The following PCSK6 variants were observed in gnomAD, a reference collection of about 807,000 sequenced individuals.
PCSK6 encodes paired basic amino acid cleaving enzyme 4.
A neutral mutation model predicts 123.3 loss-of-function variants in PCSK6; 85 were observed. That is an observed-to-expected ratio of 0.69 (90% CI 0.58 to 0.83). PCSK6 has a LOEUF of 0.83. Among genes scored for constraint, PCSK6 ranks in the 40% least tolerant of loss-of-function variants. The pLI is 0.00. For missense variants in PCSK6, 1,191 were observed against 1,282.3 expected (o/e 0.93, Z 1.09); for synonymous variants, 508 against 516.0 (o/e 0.98, Z 0.21).
intron 11 of PCSK6, among the ~76,000 whole-genome samples, chr15:101,379,813 G>A (rs949839099): frequency 1.3e-5 from 2 of 152,200 alleles, no homozygotes; most frequent in African/African-American, 4.8e-5. Flanking sequence ...GGATACTCGC[G>A]GCTCAGGTGC....
intron 9 of PCSK6, among the ~76,000 whole-genome samples, chr15:101,387,804 G>A (rs2042110755): frequency 3.2e-5 from 1 of 31,114 alleles, no homozygotes; most frequent in South Asian, 1.0e-3. Flanking sequence ...GGCGGCCTGG[G>A]GCCAACCTGC....
chr15:101,399,952 G>A (rs922071569), intron 6 of PCSK6, among the ~76,000 whole-genome samples: 1 of 152,202 alleles, frequency 6.6e-6, no homozygotes, highest in Non-Finnish European at 1.5e-5. Context: ...TCTTCTGATT[G>A]TAAGAATAGT....
intron 20 of PCSK6, 44 bp downstream of exon 20, chr15:101,313,332 T>A: frequency 1.2e-6 from 2 of 1,612,464 alleles, no homozygotes; most frequent in South Asian, 2.2e-5. Context: ...GGCACTCCTT[T>A]GCTGGACACA....
At chr15:101,380,189 GTGCTGTCTAGACTCCGTGTGCT>G (rs1444813962) in intron 11 of PCSK6, among the ~76,000 whole-genome samples, 2 of 152,192 alleles carry the variant, frequency 1.3e-5, no homozygotes. Context: ...CCCTCAACCT[GTGCTGTCTAGACTCCGTGTGCT>G]TTCACTTAAA....
chr15:101,458,216 C>G (rs1389134737), intron 1 of PCSK6, among the ~76,000 whole-genome samples: 1 of 152,200 alleles, frequency 6.6e-6, no homozygotes, highest in Non-Finnish European at 1.5e-5. Context: ...CAAGTTCACC[C>G]AACTATTTCT....
intron 2 of PCSK6, among the ~76,000 whole-genome samples, chr15:101,440,613 T>C (rs1471904023): frequency 6.6e-6 from 1 of 152,220 alleles, no homozygotes; most frequent in Non-Finnish European, 1.5e-5. Context: ...TCATTTCCAG[T>C]TTGGTCATTT....
At position 101,349,764 on chromosome 15, in the gene PCSK6, C is replaced by A. The variant is rs2040843142; in HGVS notation, c.1858+16432G>T. Among the ~76,000 whole-genome samples, 18 of 152,192 alleles carry A rather than the reference C, an allele frequency of 1.2e-4. No homozygotes were observed. The South Asian group carries it at 3.7e-3, about 31-fold the overall frequency. On this transcript the variant is annotated intron_variant, in intron 13 of 21. Coordinates refer to ENST00000611716, the MANE Select transcript of PCSK6 (RefSeq NM_002570.5). ...TGGGACCCAGGCTCCTCTGCCCCTG[C>A]ATTCCCGTTCTTTAAATCACATCAC...
At chr15:101,371,132 A>G (rs1300915476) in intron 11 of PCSK6, among the ~76,000 whole-genome samples, 4 of 152,158 alleles carry the variant, frequency 2.6e-5, no homozygotes, top group African/African-American at 7.2e-5. Flanking sequence ...TCTTGAACCC[A>G]GGAGGTGGAG....
chr15:101,380,199 G>C lies in PCSK6; in HGVS notation c.1532+1893C>G, dbSNP rs184760038. On this transcript the variant is annotated intron_variant, in intron 11 of 21. Coordinates refer to ENST00000611716, the MANE Select transcript of PCSK6 (RefSeq NM_002570.5). ...GGGCTCCCTCAACCTGTGCTGTCTA[G>C]ACTCCGTGTGCTTTCACTTAAAAAA... 4.6e-5 allele frequency among the ~76,000 whole-genome samples: 7 copies of C among 152,334 alleles called. No homozygotes were observed. The East Asian group carries it at 1.3e-3, about 29-fold the overall frequency.
At chr15:101,339,410 C>T (rs1043689419) in intron 13 of PCSK6, among the ~76,000 whole-genome samples, 4 of 152,146 alleles carry the variant, frequency 2.6e-5, no homozygotes, top group African/African-American at 9.7e-5. Context: ...TTTGGTGAAC[C>T]AGCCACCCAT....
chr15:101,447,328 T>C (rs1268845235), intron 1 of PCSK6, among the ~76,000 whole-genome samples: 3 of 152,076 alleles, frequency 2.0e-5, no homozygotes, highest in African/African-American at 7.2e-5. Context: ...TGGTTGAACA[T>C]GAAGGACACC....
At chr15:101,339,482 C>A (rs2040552230) in intron 13 of PCSK6, among the ~76,000 whole-genome samples, 1 of 152,204 alleles carries the variant, frequency 6.6e-6, no homozygotes, top group Non-Finnish European at 1.5e-5. Flanking sequence ...AAAAAGCTTA[C>A]TTCCATCCAT....
intron 1 of PCSK6, among the ~76,000 whole-genome samples, chr15:101,486,003 G>A (rs537097361): frequency 5.6e-5 from 7 of 125,062 alleles, no homozygotes; most frequent in East Asian, 2.3e-4. Context: ...CACTCTTGTC[G>A]CCCAGGCTGG....
intron 1 of PCSK6, among the ~76,000 whole-genome samples, chr15:101,478,123 T>C (rs773577983): frequency 2.0e-5 from 3 of 152,158 alleles, no homozygotes; most frequent in Non-Finnish European, 4.4e-5. Context: ...ACACAGACTC[T>C]GTCTATGAGG....
intron 6 of PCSK6, among the ~76,000 whole-genome samples, chr15:101,410,533 G>A (rs150901350): frequency 6.6e-6 from 1 of 152,230 alleles, no homozygotes; most frequent in Non-Finnish European, 1.5e-5. Flanking sequence ...CTCCTGTGCT[G>A]TTCCCATTAT....
At chr15:101,379,374 A>G (rs1236777523) in intron 11 of PCSK6, among the ~76,000 whole-genome samples, 1 of 152,218 alleles carries the variant, frequency 6.6e-6, no homozygotes, top group Non-Finnish European at 1.5e-5. Flanking sequence ...CACATGCCCC[A>G]GCTAGAGGAC....
At chr15:101,403,187 C>T (rs1274961966) in intron 6 of PCSK6, among the ~76,000 whole-genome samples, 11 of 146,466 alleles carry the variant, frequency 7.5e-5, no homozygotes, top group Non-Finnish European at 1.2e-4. Context: ...AACCAAACAC[C>T]GCATGTTCTC....
At chr15:101,341,117 T>G (rs2040595281) in intron 13 of PCSK6, among the ~76,000 whole-genome samples, 1 of 151,510 alleles carries the variant, frequency 6.6e-6, no homozygotes, top group African/African-American at 2.4e-5. Context: ...GTATTTTTAG[T>G]AGAGACAGGG....
In PCSK6 at chr15:101,432,403, G is replaced by A. The variant is rs181563224; in HGVS notation, c.403-303C>T. Among the ~76,000 whole-genome samples, 27 of 147,124 alleles carry A rather than the reference G, an allele frequency of 1.8e-4. No individual in the cohort carries two copies. In the East Asian group the frequency reaches 3.8e-3, roughly 21 times the overall value. On this transcript the variant is annotated intron_variant, in intron 2 of 21. Transcript: ENST00000611716. The stretch of plus-strand genomic sequence containing the variant: ...GTTGGGAGGCCGAGGCAGGAAGATC[G>A]CCTGAGCCCAGGAGTTTGAGACCAG...
Sources: allele counts gnomAD v4.1 joint callset (sites outside exome capture counted in the v4.1 genomes callset), GRCh38; gene constraint gnomAD v4.1.1; transcripts MANE v1.5; gene names NCBI Gene and HGNC (gene_info 2026-07-23, HGNC 2026-07-21).